The following EXOC4 variants were observed in gnomAD, a reference collection of about 807,000 sequenced individuals.
EXOC4 encodes exocyst complex component 4.
Under a neutral mutation model 107.2 loss-of-function variants are expected in EXOC4, and 71 were observed. The observed-to-expected ratio is 0.66, with a 90% CI of 0.55 to 0.81. The LOEUF (loss-of-function observed/expected upper bound fraction) is 0.81. Ranked by LOEUF, EXOC4 falls within the 30% of genes least tolerant of loss-of-function variation. The pLI, the probability that EXOC4 is intolerant of heterozygous loss-of-function variation, is 0.00. For missense variants in EXOC4, 1,108 were observed against 1,189.6 expected, an observed-to-expected ratio of 0.93 and a Z score of 1.01; for synonymous variants, 456 against 441.2, an observed-to-expected ratio of 1.03 and a Z score of -0.42.
At chr7:133,486,092 C>G (rs1799265451) in intron 9 of EXOC4, among the ~76,000 whole-genome samples, 2 of 152,014 alleles carry the variant, frequency 1.3e-5, no homozygotes, top group East Asian at 1.9e-4. Flanking sequence ...AAATCTCCAA[C>G]CACTTGAGAC....
At position 133,463,036 on chromosome 7, in the gene EXOC4, A is replaced by G. The variant is rs1798631917; in HGVS notation, c.1183-12292A>G. ...GTAGCAGGTTGTGGGATAGACTGTC[A>G]TGAGATGCATGTGGCAGGATATGGC... On this transcript the variant is annotated intron_variant, in intron 7 of 17. Coordinates refer to ENST00000253861, the MANE Select transcript of EXOC4 (RefSeq NM_021807.4). 3.3e-5 allele frequency among the ~76,000 whole-genome samples: 5 copies of G among 152,308 alleles called. No individual in the cohort carries two copies. In the South Asian group the frequency reaches 1.0e-3, roughly 32 times the overall value.
At chr7:133,676,518 C>T (rs1387424016) in intron 10 of EXOC4, among the ~76,000 whole-genome samples, 1 of 152,128 alleles carries the variant, frequency 6.6e-6, no homozygotes, top group Non-Finnish European at 1.5e-5. Flanking sequence ...TGAGTCTTTT[C>T]TAGTTGACTC....
At chr7:133,355,969 C>T (rs1055472833) in intron 5 of EXOC4, among the ~76,000 whole-genome samples, 3 of 152,188 alleles carry the variant, frequency 2.0e-5, no homozygotes, top group Admixed American at 1.3e-4. Flanking sequence ...TAGGATCCAG[C>T]TCTTCAGAAT....
At chr7:133,353,551 G>A (rs917328522) in intron 5 of EXOC4, among the ~76,000 whole-genome samples, 43 of 151,964 alleles carry the variant, frequency 2.8e-4, no homozygotes, top group African/African-American at 7.2e-4. Context: ...GAGTAACTTC[G>A]CTCACTACTT....
At chr7:133,982,871 G>T (rs1371534608) in intron 14 of EXOC4, among the ~76,000 whole-genome samples, 1 of 152,160 alleles carries the variant, frequency 6.6e-6, no homozygotes, top group Non-Finnish European at 1.5e-5. Flanking sequence ...GCTGGTTTCA[G>T]AAAACACATT....
intron 7 of EXOC4, among the ~76,000 whole-genome samples, chr7:133,459,750 T>C (rs1441594008): frequency 6.6e-6 from 1 of 152,202 alleles, no homozygotes; most frequent in Non-Finnish European, 1.5e-5. Flanking sequence ...CGGTACTTTA[T>C]GTATGCAGGA....
intron 17 of EXOC4, among the ~76,000 whole-genome samples, chr7:134,052,598 A>C (rs974600764): frequency 5.3e-5 from 8 of 152,174 alleles, no homozygotes; most frequent in African/African-American, 1.7e-4. Flanking sequence ...GGATGCAAAC[A>C]AAGTTAGCAG....
chr7:133,989,005 G>C (rs1794184945), intron 14 of EXOC4, among the ~76,000 whole-genome samples: 1 of 152,096 alleles, frequency 6.6e-6, no homozygotes, highest in Non-Finnish European at 1.5e-5. Context: ...TAGATAAAAG[G>C]GGGCCAGGTA....
chr7:133,659,739 G>T (rs915816345), intron 10 of EXOC4, among the ~76,000 whole-genome samples: 2 of 152,104 alleles, frequency 1.3e-5, no homozygotes, highest in African/African-American at 4.8e-5. Context: ...GGGTCACATT[G>T]TCTCCCCGAT....
chr7:133,771,980 T>C (rs1562990835), intron 10 of EXOC4, among the ~76,000 whole-genome samples: 1 of 151,962 alleles, frequency 6.6e-6, no homozygotes, highest in Non-Finnish European at 1.5e-5. Context: ...GGCTCTGACA[T>C]GTGTTTTATA....
chr7:133,402,695 G>T (rs1489063886), intron 7 of EXOC4, among the ~76,000 whole-genome samples: 4 of 151,930 alleles, frequency 2.6e-5, no homozygotes, highest in African/African-American at 9.7e-5. Flanking sequence ...GCAGAGATGG[G>T]GTTTCACCTT....
chr7:133,839,431 A>G (rs1486674811), intron 11 of EXOC4, among the ~76,000 whole-genome samples: 2 of 152,246 alleles, frequency 1.3e-5, no homozygotes, highest in African/African-American at 4.8e-5. Context: ...AGATAATGAC[A>G]GTGTAGCATA....
At chr7:133,941,163 A>G (rs778452013) in intron 14 of EXOC4, among the ~76,000 whole-genome samples, 1 of 151,698 alleles carries the variant, frequency 6.6e-6, no homozygotes, top group Non-Finnish European at 1.5e-5. Context: ...ACGCCTGGCT[A>G]ATTTTTAGTA....
the EXOC4 span, among the ~76,000 whole-genome samples, chr7:134,085,788 G>T: frequency 4.6e-5 from 7 of 152,192 alleles, no homozygotes; most frequent in African/African-American, 1.7e-4. Flanking sequence ...GCTGCCTGAG[G>T]CTGCAATACC....
chr7:133,869,516 C>T (rs1015740235), intron 11 of EXOC4, among the ~76,000 whole-genome samples: 1 of 152,124 alleles, frequency 6.6e-6, no homozygotes, highest in Non-Finnish European at 1.5e-5. Context: ...TAGTCTCCTG[C>T]CCTTTCTATC....
At position 133,665,031 on chromosome 7, in the gene EXOC4, A is replaced by G. The variant is rs114222355; in HGVS notation, c.1514+34890A>G. Among the ~76,000 whole-genome samples the G allele has an allele frequency of 8.4e-3, 1,274 of 152,276 alleles. 30 individuals are homozygous for G. The highest frequency in any genetic ancestry group is 0.078 in the East Asian group (403 of 5,178). The stretch of plus-strand genomic sequence containing the variant: ...CTCTACTTTGTTAAAGAAAAATGCA[A>G]TGCTCTTTATTTCCAACCTGGTATA... On this transcript the variant is annotated intron_variant, in intron 10 of 17. Transcript: ENST00000253861.
At chr7:133,645,063 T>G (rs1802954719) in intron 10 of EXOC4, among the ~76,000 whole-genome samples, 1 of 150,232 alleles carries the variant, frequency 6.7e-6, no homozygotes, top group Non-Finnish European at 1.5e-5. Flanking sequence ...CAGCAACATC[T>G]TTTCTGGGGA....
intron 17 of EXOC4, among the ~76,000 whole-genome samples, chr7:134,016,226 G>A (rs1171356115): frequency 6.6e-6 from 1 of 152,146 alleles, no homozygotes; most frequent in East Asian, 1.9e-4. Context: ...TAAACTGGAA[G>A]CTTGAGGGAA....
At chr7:133,721,852 C>T (rs1795111098) in intron 10 of EXOC4, among the ~76,000 whole-genome samples, 1 of 152,166 alleles carries the variant, frequency 6.6e-6, no homozygotes, top group South Asian at 2.1e-4. Context: ...ATTCTGGCTA[C>T]TATTTTTGTG....
Sources: gnomAD v4.1 joint callset for allele counts (sites outside exome capture counted in the v4.1 genomes callset) on GRCh38, gnomAD v4.1.1 for gene constraint, MANE v1.5 for transcripts, NCBI Gene and HGNC (gene_info 2026-07-23, HGNC 2026-07-21) for gene names.